Variants in RELN observed in about 807,000 individuals in gnomAD.
RELN encodes the protein reelin.
In RELN, 108 loss-of-function variants were observed where a neutral mutation model predicts 427.6. The ratio of observed to expected loss-of-function variants is 0.25; its 90% CI spans 0.22 to 0.30. The LOEUF is 0.30. Ranked by LOEUF, RELN falls within the 10% of genes least tolerant of loss-of-function variation. The pLI is 1.00. For missense variants in RELN, 3,715 were observed against 4,302.8 expected, an observed-to-expected ratio of 0.86 and a Z score of 3.82; for synonymous variants, 1,524 against 1,513.4, an observed-to-expected ratio of 1.01 and a Z score of -0.16.
chr7:103,979,845 G>A (rs1796955137), intron 1 of RELN, among the ~76,000 whole-genome samples: 1 of 152,140 alleles, frequency 6.6e-6, no homozygotes, highest in African/African-American at 2.4e-5. Context: ...ATTAGTGTGT[G>A]AGAGAACACG....
intron 11 of RELN, among the ~76,000 whole-genome samples, chr7:103,672,318 T>A (rs150215211): frequency 1.1e-4 from 16 of 152,242 alleles, no homozygotes; most frequent in African/African-American, 3.4e-4. Flanking sequence ...TGGGGGCCTA[T>A]TAACCAACTC....
rs1830532312 is a variant in RELN, at chr7:103,556,768, T to C, written c.5797+209A>G. ...TGGCCATGTGCAAGTGTAAGTCCGA[T>C]TAAACCTCTTTTTCTTCCCAGTCTG... On this transcript the variant is annotated intron_variant, in intron 38 of 64. Transcript: ENST00000428762. Among the ~76,000 whole-genome samples the C allele has an allele frequency of 2.6e-5, 4 of 152,222 alleles. No homozygotes were observed. The South Asian group carries it at 8.3e-4, about 31-fold the overall frequency.
chr7:103,969,343 A>G (rs1365006436), intron 1 of RELN, among the ~76,000 whole-genome samples: 1 of 152,210 alleles, frequency 6.6e-6, no homozygotes, highest in Admixed American at 6.5e-5. Flanking sequence ...AAATGCCATA[A>G]AAATATTTCC....
At chr7:103,962,612 G>A (rs773764499) in intron 1 of RELN, among the ~76,000 whole-genome samples, 3 of 151,104 alleles carry the variant, frequency 2.0e-5, no homozygotes, top group Non-Finnish European at 4.4e-5. Context: ...ATGCATTTTA[G>A]AGAGGACCTG....
intron 41 of RELN, among the ~76,000 whole-genome samples, chr7:103,549,834 A>G (rs1830374782): frequency 6.6e-6 from 1 of 152,142 alleles, no homozygotes; most frequent in Non-Finnish European, 1.5e-5. Context: ...TAAATAATAC[A>G]ACCATTTCGA....
intron 3 of RELN, among the ~76,000 whole-genome samples, chr7:103,807,103 G>C (rs750823523): frequency 2.6e-5 from 4 of 152,186 alleles, no homozygotes; most frequent in Non-Finnish European, 5.9e-5. Context: ...AGCTTTAAAT[G>C]GCAACTGAGA....
rs188676647 is a variant in RELN at position 103,681,432 on chromosome 7, A to G, written c.1289+684T>C. Among the ~76,000 whole-genome samples, 201 of 152,308 alleles carry G rather than the reference A, an allele frequency of 1.3e-3. 1 individual carries two copies. Among genetic ancestry groups the G allele is most frequent in the African/African-American group, 4.5e-3 (187 of 41,576 alleles). Reference sequence around the variant, plus strand: ...TCATTCATCCTTATCACAGTGTTACAAAACATAAATTTACCTCCATATCAC... The same window carrying G: ...TCATTCATCCTTATCACAGTGTTACGAAACATAAATTTACCTCCATATCAC... On this transcript the variant is annotated intron_variant, in intron 11 of 64. Transcript: ENST00000428762.
chr7:103,497,746 A>G, intron 55 of RELN, 74 bp downstream of exon 55: 4 of 1,206,310 alleles, frequency 3.3e-6, no homozygotes, highest in Non-Finnish European at 4.9e-6. Context: ...AAAGCTTTGC[A>G]GAGACTTTTC....
intron 18 of RELN, 53 bp from the exon 19 acceptor site, chr7:103,635,639 T>C (rs1832564095): frequency 2.0e-6 from 3 of 1,492,738 alleles, no homozygotes; most frequent in South Asian, 1.1e-5. Context: ...TTAATCATAA[T>C]GTTCATTTTG....
intron 1 of RELN, among the ~76,000 whole-genome samples, chr7:103,975,437 A>T (rs1796850142): frequency 6.6e-6 from 1 of 152,228 alleles, no homozygotes. Flanking sequence ...TAAAACAGCA[A>T]AATACAGACA....
chr7:103,670,266 T>G (rs1191419397), intron 11 of RELN, among the ~76,000 whole-genome samples: 1 of 152,134 alleles, frequency 6.6e-6, no homozygotes, highest in Non-Finnish European at 1.5e-5. Flanking sequence ...ATTATATACC[T>G]ACATAAGTAT....
chr7:103,757,684 G>A (rs1035789084), intron 4 of RELN, among the ~76,000 whole-genome samples: 2 of 152,140 alleles, frequency 1.3e-5, no homozygotes, highest in Non-Finnish European at 2.9e-5. Flanking sequence ...TATTTCTGTG[G>A]TAGTGATAAG....
chr7:103,922,783 A>T (rs1399059953), intron 1 of RELN, among the ~76,000 whole-genome samples: 1 of 152,180 alleles, frequency 6.6e-6, no homozygotes, highest in Non-Finnish European at 1.5e-5. Flanking sequence ...TGATGTTTGC[A>T]TTTCATTCTA....
At chr7:103,855,680 T>A (rs1358320914) in intron 2 of RELN, among the ~76,000 whole-genome samples, 1 of 152,138 alleles carries the variant, frequency 6.6e-6, no homozygotes, top group Admixed American at 6.6e-5. Context: ...GAGTCCAACA[T>A]CAAGGTGTCA....
chr7:103,615,209 G>A (rs1276920362), intron 20 of RELN, among the ~76,000 whole-genome samples: 1 of 152,136 alleles, frequency 6.6e-6, no homozygotes, highest in African/African-American at 2.4e-5. Context: ...TTTAATGAGA[G>A]AATGGGGATA....
At chr7:103,882,042 A>G (rs964662265) in intron 2 of RELN, among the ~76,000 whole-genome samples, 3 of 152,346 alleles carry the variant, frequency 2.0e-5, no homozygotes, top group Middle Eastern at 3.4e-3. Flanking sequence ...GAGCGAGTCC[A>G]TCAACCAAAG....
intron 7 of RELN, 40 bp from the exon 8 acceptor site, chr7:103,723,231 G>C (rs1790121987): frequency 1.8e-6 from 2 of 1,136,798 alleles, no homozygotes; most frequent in African/African-American, 3.1e-5. Context: ...ACAAGACAGA[G>C]AGGAGAAAGA....
chr7:103,931,945 A>G (rs1395603975), intron 1 of RELN, among the ~76,000 whole-genome samples: 1 of 152,218 alleles, frequency 6.6e-6, no homozygotes, highest in Non-Finnish European at 1.5e-5. Context: ...GAGGGAGTGT[A>G]AATTAGTTCA....
intron 50 of RELN, 33 bp from the exon 51 acceptor site, chr7:103,511,038 T>C (rs1193053317): frequency 1.3e-6 from 2 of 1,580,750 alleles, no homozygotes; most frequent in African/African-American, 2.7e-5. Context: ...TTATGACAAA[T>C]TTGTGACAAA....
Sources: allele counts gnomAD v4.1 joint callset (sites outside exome capture counted in the v4.1 genomes callset), GRCh38; gene constraint gnomAD v4.1.1; transcripts MANE v1.5; gene names NCBI Gene and HGNC (gene_info 2026-07-23, HGNC 2026-07-21).